The following DENND5A variants were observed in gnomAD, a reference collection of about 807,000 sequenced individuals.
DENND5A encodes the protein DENN domain-containing protein 5A.
A neutral mutation model predicts 140.3 loss-of-function variants in DENND5A; 64 were observed. The observed-to-expected ratio is 0.46, with a 90% CI of 0.37 to 0.56. The LOEUF (loss-of-function observed/expected upper bound fraction) is 0.56. Ranked by LOEUF, DENND5A falls within the 20% of genes least tolerant of loss-of-function variation. DENND5A has a pLI of 0.00. For missense variants in DENND5A, 1,292 were observed against 1,593.8 expected, an observed-to-expected ratio of 0.81 and a Z score of 3.22; for synonymous variants, 605 against 607.7, an observed-to-expected ratio of 1.00 and a Z score of 0.07.
chr11:9,185,902 A>AT (rs1848897368), intron 5 of DENND5A, among the ~76,000 whole-genome samples: 1 of 149,082 alleles, frequency 6.7e-6, no homozygotes, highest in Admixed American at 6.7e-5. Context: ...GTGTCTGTGC[A>AT]TGTGTGTCTA....
At chr11:9,224,998 A>G (rs909575059) in intron 1 of DENND5A, among the ~76,000 whole-genome samples, 1 of 152,158 alleles carries the variant, frequency 6.6e-6, no homozygotes, top group Non-Finnish European at 1.5e-5. Flanking sequence ...AATGTAGTTC[A>G]TATGACATGG....
chr11:9,150,026 A>G (rs1431944585), intron 15 of DENND5A, 55 bp downstream of exon 15: 20 of 1,559,726 alleles, frequency 1.3e-5, no homozygotes, highest in Admixed American at 2.0e-5. Context: ...CAAGTTTCCA[A>G]TCTCTTCCCT....
At chr11:9,171,155 A>G (rs7930507) in intron 8 of DENND5A, 83,252 of 185,902 alleles carry the variant, frequency 0.45, 19,990 homozygotes, top group African/African-American at 0.62. Context: ...TCATATGAAC[A>G]GTACCAGAGA....
Position 9,178,366 on chromosome 11 carries a change from C to A in DENND5A, c.1672G>T (p.Ala558Ser). The A allele has an allele frequency of 6.3e-7, 1 of 1,588,136 alleles. No individual in the cohort carries two copies. Among genetic ancestry groups the A allele is most frequent in the Non-Finnish European group, 8.6e-7 (1 of 1,157,076 alleles). ...TCAGGCTGATCTGACAGAAAAGATG[C>A]CTGGTGGGACCAAAAAGAAGCAGTA... ...NREQMQNFDKASFLSDQPEPY... is the reference protein window; with the variant it reads ...NREQMQNFDKSSFLSDQPEPY... Residue 558 changes from alanine to serine, a missense_variant and splice_region_variant, in exon 8 of 23, where the codon GCA (alanine) becomes TCA (serine). Coordinates refer to ENST00000328194, the MANE Select transcript of DENND5A (RefSeq NM_015213.4).
chr11:9,143,719 A>T (rs966876779), intron 19 of DENND5A, among the ~76,000 whole-genome samples: 1 of 152,226 alleles, frequency 6.6e-6, no homozygotes, highest in Non-Finnish European at 1.5e-5. Context: ...ATGCTGGTAA[A>T]GTTTAGTTTC....
chr11:9,143,412 A>G lies in DENND5A; in HGVS notation c.3378T>C (p.Pro1126=). 6.2e-7 allele frequency: 1 copy of G among 1,613,796 alleles called. No homozygotes were observed. Among genetic ancestry groups the G allele is most frequent in the Non-Finnish European group, 8.5e-7 (1 of 1,179,640 alleles). ...GGGCAGGAAGGCTCACCTCTTTCTC[A>G]GGCTTATGGAAGTGCTTCACAATGC... ...VNGIVKHFHK[P]EKERGSLTLL... is the part of the protein sequence containing the mutation. The change falls in exon 20 of 23, where the codon CCT becomes CCC. Residue 1126 remains proline, a synonymous_variant. Coordinates refer to ENST00000328194, the MANE Select transcript of DENND5A (RefSeq NM_015213.4).
chr11:9,258,660 T>C (rs997503564), intron 1 of DENND5A, among the ~76,000 whole-genome samples: 1 of 152,236 alleles, frequency 6.6e-6, no homozygotes, highest in East Asian at 1.9e-4. Context: ...TTTTTGCTTG[T>C]TCCCCCCGCA....
intron 6 of DENND5A, among the ~76,000 whole-genome samples, chr11:9,179,702 T>C (rs1481412671): frequency 2.0e-5 from 3 of 152,064 alleles, no homozygotes; most frequent in Non-Finnish European, 4.4e-5. Flanking sequence ...TGTCTCCATG[T>C]TGGTCAGACT....
rs1847157526 is a variant in DENND5A at position 9,139,346 on chromosome 11, C to T, written c.*325G>A. 2 of 306,510 alleles carry T rather than the reference C, an allele frequency of 6.5e-6. No individual in the cohort carries two copies. Among genetic ancestry groups the T allele is most frequent in the African/African-American group, 4.2e-5 (2 of 47,222 alleles). The allele number at this position is 306,510 out of a possible 1,614,324, so 19.0% of individuals were successfully genotyped here. On this transcript the variant is annotated 3_prime_UTR_variant, in exon 23 of 23. Transcript: ENST00000328194. ...ACGGGGCAAGGAAACATAACTGTCC[C>T]GCACGCAGTGCCACAGGCTCAGTCC...
At chr11:9,226,710 G>A (rs1850544384) in intron 1 of DENND5A, among the ~76,000 whole-genome samples, 1 of 152,134 alleles carries the variant, frequency 6.6e-6, no homozygotes, top group African/African-American at 2.4e-5. Context: ...CCGATCTAAA[G>A]TAAGCTAAAC....
intron 16 of DENND5A, among the ~76,000 whole-genome samples, 157 bp from the exon 17 acceptor site, chr11:9,145,972 C>T (rs768072607): frequency 1.3e-5 from 2 of 152,242 alleles, no homozygotes; most frequent in Non-Finnish European, 2.9e-5. Context: ...GGACCTAGTC[C>T]CTGGCTAATG....
At position 9,194,725 on chromosome 11, in the gene DENND5A, CT is replaced by C. The variant is rs113562495; in HGVS notation, c.950-1045del. ...TATCTTCAGAATGTAATTTCTAGGC[CT>C]TTTTTTTTTTTGTGACGGGGTCTTG... On this transcript the variant is annotated intron_variant, in intron 4 of 22. Coordinates refer to ENST00000328194, the MANE Select transcript of DENND5A (RefSeq NM_015213.4). Among the ~76,000 whole-genome samples the C allele has an allele frequency of 8.9e-3, 1,291 of 144,584 alleles. 11 individuals are homozygous for C. Among genetic ancestry groups the C allele is most frequent in the African/African-American group, 0.027 (1,090 of 39,734 alleles). 94.9% of individuals were successfully genotyped at this position (144,584 alleles called of 152,430 possible).
intron 1 of DENND5A, among the ~76,000 whole-genome samples, chr11:9,223,820 G>T (rs753060171): frequency 6.6e-6 from 1 of 152,194 alleles, no homozygotes; most frequent in Non-Finnish European, 1.5e-5. Flanking sequence ...GCTTGCTAAA[G>T]AATATAAAAG....
intron 1 of DENND5A, among the ~76,000 whole-genome samples, chr11:9,216,134 A>C (rs1850085553): frequency 1.3e-5 from 2 of 152,242 alleles, no homozygotes; most frequent in South Asian, 2.1e-4. Flanking sequence ...TAAGGACCTA[A>C]CTTGGCTACT....
chr11:9,233,783 G>A (rs1293419253), intron 1 of DENND5A, among the ~76,000 whole-genome samples: 1 of 152,128 alleles, frequency 6.6e-6, no homozygotes, highest in African/African-American at 2.4e-5. Flanking sequence ...GTGCCCTGCT[G>A]ACACCCTGAT....
At chr11:9,153,261 G>T (rs1237365993) in intron 12 of DENND5A, among the ~76,000 whole-genome samples, 1 of 134,672 alleles carries the variant, frequency 7.4e-6, no homozygotes, top group Non-Finnish European at 1.6e-5. Context: ...GGTGGAGGGA[G>T]TTGAACCTGG....
chr11:9,203,853 C>A lies in DENND5A; in HGVS notation c.756G>T (p.Pro252=). 6.2e-7 allele frequency: 1 copy of A among 1,614,112 alleles called. No individual in the cohort carries two copies. The highest frequency in any genetic ancestry group is 8.5e-7 in the Non-Finnish European group (1 of 1,180,018). Residue 252 remains proline (P), a synonymous_variant, in exon 4 of 23, where the codon CCG becomes CCT. Coordinates refer to ENST00000328194, the MANE Select transcript of DENND5A (RefSeq NM_015213.4). The part of the protein sequence containing the change: ...SYIYNVLYEV[P]LPPPGRSLKF... ...TCAAGGACCGGCCAGGAGGTGGGAG[C>A]GGCACCTCGTAGAGTACGTTGTATA...
intron 1 of DENND5A, among the ~76,000 whole-genome samples, chr11:9,227,730 G>A (rs1850589886): frequency 6.6e-6 from 1 of 151,880 alleles, no homozygotes; most frequent in Non-Finnish European, 1.5e-5. Context: ...GGCCAAGATG[G>A]GAGGATCACC....
chr11:9,252,892 C>G (rs573378266), intron 1 of DENND5A, among the ~76,000 whole-genome samples: 10 of 150,710 alleles, frequency 6.6e-5, no homozygotes, highest in Admixed American at 6.6e-5. Flanking sequence ...CCCTATTGCC[C>G]AGGCTGGAGT....
Sources: gnomAD v4.1 joint callset for allele counts (sites outside exome capture counted in the v4.1 genomes callset) on GRCh38, gnomAD v4.1.1 for gene constraint, MANE v1.5 for transcripts, NCBI Gene and HGNC (gene_info 2026-07-23, HGNC 2026-07-21) for gene names.